The following ARHGEF2 variants were observed in gnomAD, a reference collection of about 807,000 sequenced individuals.
ARHGEF2 encodes the protein Rho/Rac guanine nucleotide exchange factor 2.
A neutral mutation model predicts 121.0 loss-of-function variants in ARHGEF2; 22 were observed. The ratio of observed to expected loss-of-function variants is 0.18; its 90% CI spans 0.13 to 0.26. The LOEUF (loss-of-function observed/expected upper bound fraction) is 0.26, where lower values mean the gene tolerates loss of function less well. ARHGEF2 is among the 10% of genes least tolerant of loss of function. ARHGEF2 has a pLI of 1.00. For missense variants in ARHGEF2, 907 were observed against 1,336.0 expected, an observed-to-expected ratio of 0.68 and a Z score of 5.01; for synonymous variants, 487 against 530.0, an observed-to-expected ratio of 0.92 and a Z score of 1.11.
chr1:155,969,068 C>T, intron 2 of ARHGEF2, 88 bp downstream of exon 2: 1 of 1,533,662 alleles, frequency 6.5e-7, no homozygotes, highest in Non-Finnish European at 8.9e-7. Flanking sequence ...AAGAGTGACC[C>T]TCATGGATCC....
At position 155,962,130 on chromosome 1, in the gene ARHGEF2, G is replaced by C. The variant is rs1187286224; in HGVS notation, c.1194C>G (p.Ile398Met). The change falls in exon 10 of 22, where the codon ATC becomes ATG. Residue 398 changes from isoleucine to methionine, a missense_variant. Coordinates refer to ENST00000361247, the MANE Select transcript of ARHGEF2 (RefSeq NM_001162383.2). This position sits in a 1 kb window ranked among gnomAD's most constrained non-coding sequence, Gnocchi z 5.8. ...CGTGGGAATGCTGCAGGATGCGGCT[G>C]ATGAGTAACGGGTACTTGGTGATGC... ...TQRITKYPLL[I>M]SRILQHSHGI... 6.2e-7 allele frequency: 1 copy of C among 1,614,226 alleles called. No individual in the cohort carries two copies. Among genetic ancestry groups the C allele is most frequent in the African/African-American group, 1.3e-5 (1 of 75,064 alleles).
intron 4 of ARHGEF2, among the ~76,000 whole-genome samples, chr1:155,966,108 G>A (rs1173338133): frequency 2.6e-5 from 4 of 152,148 alleles, no homozygotes; most frequent in Admixed American, 2.6e-4. Flanking sequence ...AAAGCTGTCT[G>A]AATTGACACT....
At chr1:155,979,339 A>C, upstream of ARHGEF2, 1 of 985,408 alleles carries the variant, frequency 1.0e-6, no homozygotes, top group Non-Finnish European at 1.2e-6. Context: ...AAAGACCAGA[A>C]ACCAGCCTGC....
At chr1:155,971,219 C>G (rs1342628939) in intron 1 of ARHGEF2, among the ~76,000 whole-genome samples, 1 of 152,142 alleles carries the variant, frequency 6.6e-6, no homozygotes, top group Non-Finnish European at 1.5e-5. Context: ...CCTACCCGGA[C>G]CACTAGAAAA....
chr1:155,949,738 G>A (rs760699629), intron 21 of ARHGEF2, among the ~76,000 whole-genome samples: 2 of 151,746 alleles, frequency 1.3e-5, no homozygotes, highest in African/African-American at 2.4e-5. Context: ...TTAGCTGGGC[G>A]TGGCGGTGGG....
intron 1 of ARHGEF2, among the ~76,000 whole-genome samples, chr1:155,974,863 G>C (rs1166240565): frequency 6.6e-6 from 1 of 151,434 alleles, no homozygotes; most frequent in Non-Finnish European, 1.5e-5. Context: ...GGGGGGGTAA[G>C]CGATGCAAAC....
rs886941132 is a variant in ARHGEF2 at position 155,961,423 on chromosome 1, C to T, written c.1468+238G>A. ...CTGAGTAGCTGGGACTATAGGCGCC[C>T]ACCACCACGCCCGGCGAATTTTTTG... On this transcript the variant is annotated intron_variant, in intron 11 of 21. Transcript: ENST00000361247. The surrounding 1 kb of genome is among the most constrained non-coding windows in gnomAD (Gnocchi z 4.7). 2.0e-5 allele frequency among the ~76,000 whole-genome samples: 3 copies of T among 152,024 alleles called. No homozygotes were observed. Among genetic ancestry groups the T allele is most frequent in the Non-Finnish European group, 4.4e-5 (3 of 68,002 alleles).
intron 2 of ARHGEF2, 29 bp downstream of exon 2, chr1:155,969,127 G>C: frequency 6.2e-7 from 1 of 1,612,744 alleles, no homozygotes; most frequent in East Asian, 2.2e-5. Context: ...CACCGAGTCT[G>C]GGTGACTCTC....
Position 155,950,984 on chromosome 1 carries a change from C to T in ARHGEF2, c.2548G>A (p.Glu850Lys). 1 of 1,609,372 alleles carries T rather than the reference C, an allele frequency of 6.2e-7. No individual in the cohort carries two copies. Among genetic ancestry groups the T allele is most frequent in the Non-Finnish European group, 8.5e-7 (1 of 1,178,834 alleles). ...CTTCGAGCCTCTTCGGCCTCACGCT[C>T]CAGCAGTGCCCGGGCCTGCTCACTC... ...RESEQARALL[E>K]REAEEARRQL... is the part of the protein sequence containing the mutation. Residue 850 changes from glutamate (E) to lysine (K), a missense_variant, in exon 20 of 22, where the codon GAG becomes AAG. By Grantham distance (56) the Glu-to-Lys change is moderately conservative. Transcript: ENST00000361247. This position sits in a 1 kb window ranked among gnomAD's most constrained non-coding sequence, Gnocchi z 5.2.
rs1679183269 is a variant in ARHGEF2, at chr1:155,965,476, G to A, written c.471-64C>T. 2 of 1,599,626 alleles carry A rather than the reference G, an allele frequency of 1.3e-6. No individual in the cohort carries two copies. The highest frequency in any genetic ancestry group is 2.2e-5 in the East Asian group (1 of 44,770). The stretch of plus-strand genomic sequence containing the variant: ...GGCAAAAGATCCCTTCCCAGGTAGG[G>A]AACCAAAGCCAGGATCCAAGAGGCG... On this transcript the variant is annotated intron_variant, in intron 5 of 21. Coordinates refer to ENST00000361247, the MANE Select transcript of ARHGEF2 (RefSeq NM_001162383.2). The surrounding 1 kb of genome is among the most constrained non-coding windows in gnomAD (Gnocchi z 6.0).
In ARHGEF2 at chr1:155,969,244, G is replaced by A; in HGVS notation, c.120C>T (p.His40=). ...CTGAAACTGAAATGGTGGTGAAGAG[G>A]TGCCCATTGGTATAGCGGGCATCCT... ...EAKDARYTNG[H]LFTTISVSGM... is the part of the protein sequence containing the mutation. Residue 40 remains histidine (H), a synonymous_variant, in exon 2 of 22, where the codon CAC becomes CAT. Coordinates refer to ENST00000361247, the MANE Select transcript of ARHGEF2 (RefSeq NM_001162383.2). 1 of 1,614,192 alleles carries A rather than the reference G, an allele frequency of 6.2e-7. No homozygotes were observed. The highest frequency in any genetic ancestry group is 8.5e-7 in the Non-Finnish European group (1 of 1,180,006).
At chr1:155,976,125 G>A (rs1681251066) in intron 1 of ARHGEF2, among the ~76,000 whole-genome samples, 1 of 151,986 alleles carries the variant, frequency 6.6e-6, no homozygotes, top group Admixed American at 6.5e-5. Flanking sequence ...GGGCTGAGGT[G>A]TCAGGGCTTA....
At chr1:155,975,772 TC>T (rs1681195990) in intron 1 of ARHGEF2, among the ~76,000 whole-genome samples, 1 of 151,980 alleles carries the variant, frequency 6.6e-6, no homozygotes, top group Non-Finnish European at 1.5e-5. Context: ...TCCACAGCCA[TC>T]CCTGGACCTC....
In ARHGEF2 at chr1:155,964,191, TATATATAC is replaced by T. The variant is rs1163649436; in HGVS notation, c.724+789_724+796del. Among the ~76,000 whole-genome samples, 30 of 124,624 alleles carry T rather than the reference TATATATAC, an allele frequency of 2.4e-4. No individual in the cohort carries two copies. The East Asian group carries it at 5.1e-3, about 21-fold the overall frequency. 81.8% of individuals were successfully genotyped at this position (124,624 alleles called of 152,430 possible). On this transcript the variant is annotated intron_variant, in intron 7 of 21. Coordinates refer to ENST00000361247, the MANE Select transcript of ARHGEF2 (RefSeq NM_001162383.2). Reference sequence around the variant, plus strand: ...AAATATATATATATATATATATATATATATATACATATATATATATATATATTTTTTTT... The same window carrying T: ...AAATATATATATATATATATATATATATATATATATATATATATTTTTTTT...
In ARHGEF2 at chr1:155,962,377, G is replaced by T; in HGVS notation, c.1102-155C>A. The stretch of plus-strand genomic sequence containing the variant: ...GGGATAACAACGCCACAGGTTTGTT[G>T]TGAGGACCAACTGAAGGAGCAAAAA... On this transcript the variant is annotated intron_variant, in intron 9 of 21. Transcript: ENST00000361247. The surrounding 1 kb of genome is among the most constrained non-coding windows in gnomAD (Gnocchi z 5.8). 6.9e-6 allele frequency: 7 copies of T among 1,018,718 alleles called. No individual in the cohort carries two copies. Among genetic ancestry groups the T allele is most frequent in the Non-Finnish European group, 1.0e-5 (7 of 695,396 alleles). 63.1% of individuals were successfully genotyped at this position (1,018,718 alleles called of 1,614,324 possible). A position where few individuals can be genotyped will look rare whatever the true frequency, so the allele number is the denominator to read the frequency against.
Position 155,965,816 on chromosome 1 carries a change from T to G in ARHGEF2, c.341-56A>C, listed in dbSNP as rs1679262272. ...ATCAGACTCTGGTGCTTCCCAGGATTGAGGCCTCCTAGGCTCCTCAATGAG... is the reference window on the plus strand; with the variant it reads ...ATCAGACTCTGGTGCTTCCCAGGATGGAGGCCTCCTAGGCTCCTCAATGAG... On this transcript the variant is annotated intron_variant, in intron 4 of 21. Coordinates refer to ENST00000361247, the MANE Select transcript of ARHGEF2 (RefSeq NM_001162383.2). The surrounding 1 kb of genome is among the most constrained non-coding windows in gnomAD (Gnocchi z 6.0). 53 of 1,543,324 alleles carry G rather than the reference T, an allele frequency of 3.4e-5. No homozygotes were observed. In the South Asian group the frequency reaches 6.3e-4, roughly 18 times the overall value.
Position 155,971,579 on chromosome 1 carries a change from C to CAA in ARHGEF2, c.64-2281_64-2280dup, listed in dbSNP as rs55942349. 1.5e-4 allele frequency among the ~76,000 whole-genome samples: 14 copies of CAA among 92,554 alleles called. 1 individual carries two copies. The highest frequency in any genetic ancestry group is 2.9e-4 in the Non-Finnish European group (12 of 41,392). The allele number at this position is 92,554 out of a possible 152,430, so 60.7% of individuals were successfully genotyped here. A position where few individuals can be genotyped will look rare whatever the true frequency, so the allele number is the denominator to read the frequency against. On this transcript the variant is annotated intron_variant, in intron 1 of 21. Coordinates refer to ENST00000361247, the MANE Select transcript of ARHGEF2 (RefSeq NM_001162383.2). ...TGGGCCACAGAGTGAGACTATGTCTCAAAAAAAAAAAAAGAAGTTCAAATT... is the reference window on the plus strand; with the variant it reads ...TGGGCCACAGAGTGAGACTATGTCTCAAAAAAAAAAAAAAAGAAGTTCAAATT...
In ARHGEF2 at chr1:155,950,122, G is replaced by A. The variant is rs759388522; in HGVS notation, c.2887+177C>T. The A allele has an allele frequency of 1.9e-5, 14 of 718,744 alleles. No homozygotes were observed. The highest frequency in any genetic ancestry group is 1.1e-4 in the South Asian group (6 of 54,326). The allele number at this position is 718,744 out of a possible 1,614,324, so 44.5% of individuals were successfully genotyped here. A position where few individuals can be genotyped will look rare whatever the true frequency, so the allele number is the denominator to read the frequency against. The stretch of plus-strand genomic sequence containing the variant: ...ATCACCAACCAGTTGGAGGAGAGAG[G>A]CCCCTCCTGCTTCCTAGACTTCCAC... On this transcript the variant is annotated intron_variant, in intron 21 of 21. Transcript: ENST00000361247. This position sits in a 1 kb window ranked among gnomAD's most constrained non-coding sequence, Gnocchi z 5.2.
In ARHGEF2 at chr1:155,961,839, G is replaced by A. The variant is rs143812169; in HGVS notation, c.1290C>T (p.Asp430=). The A allele has an allele frequency of 1.4e-3, 2,255 of 1,614,140 alleles. 19 individuals carry two copies. The African/African-American group carries it at 0.02, about 15-fold the overall frequency. The change falls in exon 11 of 22, where the codon GAC becomes GAT. Residue 430 remains aspartate, a synonymous_variant. Coordinates refer to ENST00000361247, the MANE Select transcript of ARHGEF2 (RefSeq NM_001162383.2). The surrounding 1 kb of genome is among the most constrained non-coding windows in gnomAD (Gnocchi z 4.7). ...GLVKELLSNV[D]EGIYQLEKGA... is the part of the protein sequence containing the mutation. ...CTTTCTCCAGCTGATAAATACCCTC[G>A]TCCACATTGGACAGCAGCTCCTTCA... is the stretch of plus-strand genomic sequence containing the variant.
Sources: allele counts gnomAD v4.1 joint callset (sites outside exome capture counted in the v4.1 genomes callset), GRCh38; gene constraint gnomAD v4.1.1; non-coding constraint Gnocchi (gnomAD v3.1); transcripts MANE v1.5; gene names NCBI Gene and HGNC (gene_info 2026-07-23, HGNC 2026-07-21).